BLTP1: variants seen among roughly 807,000 people sequenced by gnomAD.
The protein encoded by BLTP1 is fragile site-associated protein.
the BLTP1 span, chr4:122,234,235 G>A: frequency 0.011 from 6,206 of 586,852 alleles, 373 homozygotes; most frequent in African/African-American, 0.12. Context: ...AGTAGACCTC[G>A]ATATTATTTT....
the BLTP1 span, chr4:122,331,114 T>A: frequency 1.0e-6 from 1 of 955,584 alleles, no homozygotes; most frequent in Non-Finnish European, 1.2e-6. Flanking sequence ...ATTATGTCTG[T>A]GTCCTCATCA....
chr4:122,310,227 A>G, the BLTP1 span, among the ~76,000 whole-genome samples: 1 of 152,052 alleles, frequency 6.6e-6, no homozygotes, highest in Admixed American at 6.6e-5. Flanking sequence ...TCTTTGAGGA[A>G]TGAGAAAATT....
At chr4:122,349,503 A>G in the BLTP1 span, 16 of 1,606,652 alleles carry the variant, frequency 1.0e-5, no homozygotes, top group African/African-American at 1.3e-5. The surrounding 1 kb of genome is among the most constrained non-coding windows in gnomAD (Gnocchi z 4.5). Context: ...TCAGATTACT[A>G]TGGGTTCTAC....
At chr4:122,225,830 G>A in the BLTP1 span, 1 of 152,114 alleles carries the variant, frequency 6.6e-6, no homozygotes, top group Admixed American at 6.5e-5. Flanking sequence ...AAGTATACTA[G>A]TAAAAACTGA....
chr4:122,259,206 T>C, the BLTP1 span, among the ~76,000 whole-genome samples: 2 of 152,198 alleles, frequency 1.3e-5, no homozygotes, highest in African/African-American at 4.8e-5. Context: ...TTTATGATTT[T>C]AATTTTTTTG....
At chr4:122,343,591 A>G in the BLTP1 span, 1 of 1,613,914 alleles carries the variant, frequency 6.2e-7, no homozygotes, top group East Asian at 2.2e-5. Flanking sequence ...CTGGCCTCAC[A>G]CCTGGATCAG....
chr4:122,232,160 T>G, the BLTP1 span: 6 of 973,880 alleles, frequency 6.2e-6, no homozygotes, highest in African/African-American at 1.8e-5. Context: ...GTGAAGAGTC[T>G]GGGGTTTTTA....
chr4:122,204,630 G>A, the BLTP1 span: 4 of 964,638 alleles, frequency 4.1e-6, no homozygotes, highest in South Asian at 1.4e-4. Flanking sequence ...ATGAAAGACA[G>A]TATTTAGTTT....
the BLTP1 span, among the ~76,000 whole-genome samples, chr4:122,164,230 A>G: frequency 2.6e-5 from 4 of 152,214 alleles, no homozygotes; most frequent in Admixed American, 2.0e-4. Context: ...TACCTTGGCC[A>G]TGGTTATAAG....
At chr4:122,313,253 A>C in the BLTP1 span, among the ~76,000 whole-genome samples, 1 of 152,174 alleles carries the variant, frequency 6.6e-6, no homozygotes, top group Non-Finnish European at 1.5e-5. Flanking sequence ...TGCATTCTCA[A>C]AGTGCCATTC....
chr4:122,232,764 A>G, the BLTP1 span, among the ~76,000 whole-genome samples: 2 of 152,110 alleles, frequency 1.3e-5, no homozygotes, highest in African/African-American at 4.8e-5. Context: ...GATTACCTCA[A>G]CCCTCAAGGT....
chr4:122,272,435 T>C, the BLTP1 span: 2 of 1,547,578 alleles, frequency 1.3e-6, no homozygotes, highest in Non-Finnish European at 1.8e-6. Context: ...TAAAGTGCTA[T>C]GTATACATAA....
the BLTP1 span, among the ~76,000 whole-genome samples, chr4:122,284,565 T>C: frequency 6.7e-6 from 1 of 149,634 alleles, no homozygotes; most frequent in African/African-American, 2.5e-5. Flanking sequence ...TATGCAGACA[T>C]GTACATATTT....
chr4:122,180,827 G>T, the BLTP1 span, among the ~76,000 whole-genome samples: 1 of 152,192 alleles, frequency 6.6e-6, no homozygotes, highest in African/African-American at 2.4e-5. Context: ...ACTGCTCAGG[G>T]TTTTCTATTT....
At chr4:122,316,944 T>C in the BLTP1 span, 2 of 955,254 alleles carry the variant, frequency 2.1e-6, no homozygotes, top group African/African-American at 3.4e-5. Context: ...AAACTGTATT[T>C]GGTCTAATAC....
the BLTP1 span, chr4:122,299,089 T>A: frequency 6.1e-6 from 6 of 984,342 alleles, no homozygotes; most frequent in Admixed American, 2.5e-4. Flanking sequence ...TTAAGAATTA[T>A]TTAATTAGGG....
the BLTP1 span, chr4:122,246,166 A>G: frequency 6.3e-7 from 1 of 1,582,102 alleles, no homozygotes; most frequent in Non-Finnish European, 8.6e-7. Context: ...CTTCCAAACA[A>G]GACATTAGAG....
At chr4:122,251,169 G>A in the BLTP1 span, 2 of 932,560 alleles carry the variant, frequency 2.1e-6, no homozygotes, top group Non-Finnish European at 2.6e-6. Flanking sequence ...ACCTGTAATA[G>A]GAGTATGGTC....
At chr4:122,230,003 C>T in the BLTP1 span, 1 of 1,614,100 alleles carries the variant, frequency 6.2e-7, no homozygotes, top group South Asian at 1.1e-5. Flanking sequence ...TGCTGCAATT[C>T]AGGATTTTCA....
Sources: allele counts gnomAD v4.1 joint callset (sites outside exome capture counted in the v4.1 genomes callset), GRCh38; gene constraint gnomAD v4.1.1; non-coding constraint Gnocchi (gnomAD v3.1); transcripts MANE v1.5; gene names NCBI Gene and HGNC (gene_info 2026-07-23, HGNC 2026-07-21).